Variants in PRDM16 observed in about 807,000 individuals in gnomAD.
PRDM16 encodes the protein histone-lysine N-methyltransferase PRDM16.
Under a neutral mutation model 110.6 loss-of-function variants are expected in PRDM16, and 23 were observed. The observed-to-expected ratio is 0.21, with a 90% CI of 0.15 to 0.29. The LOEUF (loss-of-function observed/expected upper bound fraction) is 0.29, where lower values mean the gene tolerates loss of function less well. Ranked by LOEUF, PRDM16 falls within the 10% of genes least tolerant of loss-of-function variation. The pLI is 1.00. For missense variants in PRDM16, 1,615 were observed against 1,794.3 expected (o/e 0.90, Z 1.81); for synonymous variants, 799 against 781.8 (o/e 1.02, Z -0.37).
chr1:3,181,688 ACACG>A (rs1644198494), intron 1 of PRDM16, among the ~76,000 whole-genome samples: 4 of 105,952 alleles, frequency 3.8e-5, no homozygotes, highest in African/African-American at 1.1e-4. Context: ...GCAGTCTTAC[ACACG>A]GTCTTACACA....
At chr1:3,408,726 G>A (rs1159312029) in intron 8 of PRDM16, among the ~76,000 whole-genome samples, 1 of 144,244 alleles carries the variant, frequency 6.9e-6, no homozygotes, top group African/African-American at 2.9e-5. Context: ...GTGTGTGAGT[G>A]TGGGCGCGTG....
chr1:3,332,847 C>T (rs1258505014), intron 3 of PRDM16, among the ~76,000 whole-genome samples: 1 of 152,130 alleles, frequency 6.6e-6, no homozygotes, highest in Non-Finnish European at 1.5e-5. Context: ...GATTTGTCCT[C>T]TCCATGGAAT....
At chr1:3,363,125 G>C (rs1380683369) in intron 3 of PRDM16, among the ~76,000 whole-genome samples, 1 of 152,160 alleles carries the variant, frequency 6.6e-6, no homozygotes, top group Non-Finnish European at 1.5e-5. Context: ...CCTCCCCTGG[G>C]GAGACCAGAG....
chr1:3,310,342 T>C (rs1305790340), intron 3 of PRDM16, among the ~76,000 whole-genome samples: 5 of 152,054 alleles, frequency 3.3e-5, no homozygotes, highest in Admixed American at 6.5e-5. Context: ...CCCCCACCCA[T>C]CTTCCTAAAG....
At chr1:3,188,611 C>G (rs576664263) in intron 2 of PRDM16, among the ~76,000 whole-genome samples, 111 of 152,354 alleles carry the variant, frequency 7.3e-4, no homozygotes, top group Non-Finnish European at 1.3e-3. Flanking sequence ...TACTCTCCCC[C>G]CGACGCCCTC....
At chr1:3,186,585 A>G in intron 2 of PRDM16, 111 bp downstream of exon 2, 1 of 671,150 alleles carries the variant, frequency 1.5e-6, no homozygotes, top group Non-Finnish European at 2.4e-6. Flanking sequence ...GCGGCCAGAG[A>G]GAGCGTTCAA....
chr1:3,246,151 C>T lies in PRDM16; in HGVS notation c.438+2014C>T, dbSNP rs1438408230. 6.6e-6 allele frequency among the ~76,000 whole-genome samples: 1 copy of T among 152,190 alleles called. No homozygotes were observed. The highest frequency in any genetic ancestry group is 1.5e-5 in the Non-Finnish European group (1 of 68,028). On this transcript the variant is annotated intron_variant, in intron 3 of 16. Coordinates refer to ENST00000270722, the MANE Select transcript of PRDM16 (RefSeq NM_022114.4). This position sits in a 1 kb window ranked among gnomAD's most constrained non-coding sequence, Gnocchi z 5.2. ...AGGAGGGTGAAGTGGGCGCCGCCTT[C>T]TGTGCCTCTGGGCCACGGTGGGTTT...
rs140540302 is a variant in PRDM16 at position 3,417,950 on chromosome 1, G to A, written c.2814G>A (p.Thr938=). ...TCAACTTCCGGTCCCCACCCCCAAC[G>A]CTCTCCGACCCCATCCTCAGGAAGG... ...HPFNFRSPPP[T]LSDPILRKGK... Residue 938 remains threonine, a synonymous_variant, in exon 11 of 17, where the codon ACG becomes ACA. Coordinates refer to ENST00000270722, the MANE Select transcript of PRDM16 (RefSeq NM_022114.4). 162 of 1,415,462 alleles carry A rather than the reference G, an allele frequency of 1.1e-4. 3 individuals are homozygous for A. In the Middle Eastern group the frequency reaches 2.4e-3, roughly 21 times the overall value. 87.7% of individuals were successfully genotyped at this position (1,415,462 alleles called of 1,614,324 possible).
Position 3,437,216 on chromosome 1 carries a change from C to T in PRDM16, c.*3405C>T, listed in dbSNP as rs371481843. 19 of 232,564 alleles carry T rather than the reference C, an allele frequency of 8.2e-5. 1 individual carries two copies. Among genetic ancestry groups the T allele is most frequent in the South Asian group, 1.8e-4 (1 of 5,526 alleles). 14.4% of individuals were successfully genotyped at this position (232,564 alleles called of 1,614,324 possible). A position where few individuals can be genotyped will look rare whatever the true frequency, so the allele number is the denominator to read the frequency against. On this transcript the variant is annotated 3_prime_UTR_variant, in exon 17 of 17. Transcript: ENST00000270722. ...GGAGAGGCCTTCCTTTACAAGGCCA[C>T]GCGTGCAGCTGTCCCATCCAGACCC...
intron 12 of PRDM16, among the ~76,000 whole-genome samples, chr1:3,423,192 C>A (rs918990228): frequency 7.9e-5 from 12 of 152,178 alleles, no homozygotes; most frequent in African/African-American, 2.7e-4. Flanking sequence ...TCTCCCAGGA[C>A]TGCCTCCCGT....
intron 1 of PRDM16, among the ~76,000 whole-genome samples, chr1:3,115,990 G>A (rs550069086): frequency 3.9e-5 from 6 of 152,114 alleles, no homozygotes; most frequent in Non-Finnish European, 7.4e-5. Flanking sequence ...ACTCCCAGGC[G>A]GCCCCTCCCA....
In PRDM16 at chr1:3,265,089, C is replaced by CT. The variant is rs1640256570; in HGVS notation, c.438+20952_438+20953insT. Among the ~76,000 whole-genome samples the CT allele has an allele frequency of 1.3e-5, 2 of 152,052 alleles. No individual in the cohort carries two copies. Among genetic ancestry groups the CT allele is most frequent in the African/African-American group, 4.8e-5 (2 of 41,368 alleles). ...CCCAGGGCCCAGGAGGGAGGGGAGA[C>CT]CAGCAGGGAGGCGGGAGGCAGCCCT... On this transcript the variant is annotated intron_variant, in intron 3 of 16. Coordinates refer to ENST00000270722, the MANE Select transcript of PRDM16 (RefSeq NM_022114.4). This position sits in a 1 kb window ranked among gnomAD's most constrained non-coding sequence, Gnocchi z 4.5.
chr1:3,436,558 T>G lies in PRDM16; in HGVS notation c.*2747T>G, dbSNP rs1638915030. The G allele has an allele frequency of 4.3e-6, 1 of 231,800 alleles. No homozygotes were observed. The allele number at this position is 231,800 out of a possible 1,614,324, so 14.4% of individuals were successfully genotyped here. A position where few individuals can be genotyped will look rare whatever the true frequency, so the allele number is the denominator to read the frequency against. ...TAGAGCCCCTGACAAAGGCAGCACT[T>G]ATTTCCTGGGCTGGTGCGCCCCAAA... On this transcript the variant is annotated 3_prime_UTR_variant, in exon 17 of 17. Coordinates refer to ENST00000270722, the MANE Select transcript of PRDM16 (RefSeq NM_022114.4).
chr1:3,140,886 G>A (rs1180826445), intron 1 of PRDM16, among the ~76,000 whole-genome samples: 1 of 152,258 alleles, frequency 6.6e-6, no homozygotes, highest in East Asian at 1.9e-4. Context: ...AAAAGCCGGA[G>A]CTGGCGTGGG....
intron 3 of PRDM16, among the ~76,000 whole-genome samples, chr1:3,301,209 TA>T (rs1399027835): frequency 1.3e-5 from 2 of 152,030 alleles, no homozygotes; most frequent in Non-Finnish European, 2.9e-5. Flanking sequence ...CATGTACCTG[TA>T]GTCCTAGCTA....
intron 2 of PRDM16, chr1:3,238,085 G>A (rs938472491): frequency 2.6e-5 from 4 of 152,358 alleles, no homozygotes; most frequent in African/African-American, 9.6e-5. Flanking sequence ...TGGCCAAAGA[G>A]GGTTTGGAAG....
At position 3,209,621 on chromosome 1, in the gene PRDM16, C is replaced by T. The variant is rs1226910254; in HGVS notation, c.387+23147C>T. Among the ~76,000 whole-genome samples, 2 of 152,320 alleles carry T rather than the reference C, an allele frequency of 1.3e-5. No individual in the cohort carries two copies. Among genetic ancestry groups the T allele is most frequent in the African/African-American group, 2.4e-5 (1 of 41,580 alleles). ...AGTGGAATGTCCTGGAACCTCACTTCGGGATCCTTTGTCGAGACCAATTGG... is the reference window on the plus strand; with the variant it reads ...AGTGGAATGTCCTGGAACCTCACTTTGGGATCCTTTGTCGAGACCAATTGG... On this transcript the variant is annotated intron_variant, in intron 2 of 16. Coordinates refer to ENST00000270722, the MANE Select transcript of PRDM16 (RefSeq NM_022114.4). The surrounding 1 kb of genome is among the most constrained non-coding windows in gnomAD (Gnocchi z 4.6).
intron 1 of PRDM16, among the ~76,000 whole-genome samples, chr1:3,136,011 T>C (rs1021284234): frequency 6.6e-6 from 1 of 151,798 alleles, no homozygotes. Context: ...AGAGTCCAGG[T>C]GTGAGGAGAT....
At chr1:3,113,750 C>A (rs1642849861) in intron 1 of PRDM16, among the ~76,000 whole-genome samples, 1 of 152,300 alleles carries the variant, frequency 6.6e-6, no homozygotes, top group South Asian at 2.1e-4. Context: ...CAGGGCAGAA[C>A]CCCCGTCTGG....
Sources: allele counts gnomAD v4.1 joint callset (sites outside exome capture counted in the v4.1 genomes callset), GRCh38; gene constraint gnomAD v4.1.1; non-coding constraint Gnocchi (gnomAD v3.1); transcripts MANE v1.5; gene names NCBI Gene and HGNC (gene_info 2026-07-23, HGNC 2026-07-21).